Variants in DPP10 observed in about 807,000 individuals in gnomAD.
DPP10 encodes inactive dipeptidyl peptidase 10.
A neutral mutation model predicts 120.9 loss-of-function variants in DPP10; 33 were observed. The ratio of observed to expected loss-of-function variants is 0.27; its 90% CI spans 0.21 to 0.37. The LOEUF is 0.37. Ranked by LOEUF, DPP10 falls within the 10% of genes least tolerant of loss-of-function variation. The pLI is 1.00. For missense variants in DPP10, 816 were observed against 942.8 expected (o/e 0.87, Z 1.76); for synonymous variants, 337 against 326.1 (o/e 1.03, Z -0.36).
intron 1 of DPP10, among the ~76,000 whole-genome samples, chr2:114,566,577 T>C (rs570188025): frequency 6.6e-6 from 1 of 152,302 alleles, no homozygotes; most frequent in East Asian, 1.9e-4. Context: ...AATACAAAAT[T>C]ATATTCAGGA....
chr2:115,727,986 A>T (rs747328237), intron 8 of DPP10, 50 bp downstream of exon 8: 1 of 1,561,438 alleles, frequency 6.4e-7, no homozygotes, highest in East Asian at 2.3e-5. Context: ...ATATTTTTAT[A>T]CAAAATCTAC....
At chr2:115,486,349 C>T (rs912848862) in intron 3 of DPP10, among the ~76,000 whole-genome samples, 60 of 152,236 alleles carry the variant, frequency 3.9e-4, no homozygotes, top group African/African-American at 1.3e-3. Flanking sequence ...ATAGCTTTAT[C>T]AAAGATGTTG....
chr2:115,504,275 CTTTT>C (rs5833604), intron 4 of DPP10, among the ~76,000 whole-genome samples: 1 of 131,616 alleles, frequency 7.6e-6, no homozygotes, highest in East Asian at 2.2e-4. Context: ...CTATTGCCAA[CTTTT>C]TTTTTTTTTT....
chr2:114,840,363 C>T (rs1688060922), intron 1 of DPP10, among the ~76,000 whole-genome samples: 2 of 152,092 alleles, frequency 1.3e-5, no homozygotes, highest in African/African-American at 4.8e-5. Context: ...GGGCGAGGGG[C>T]ATTCCGTTTG....
At chr2:115,424,342 T>C (rs112889300) in intron 3 of DPP10, among the ~76,000 whole-genome samples, 2,855 of 152,210 alleles carry the variant, frequency 0.019, 87 homozygotes, top group African/African-American at 0.062. Flanking sequence ...AACTTTTTTA[T>C]TATAAAATAA....
At chr2:115,357,518 A>G (rs1574542426) in intron 3 of DPP10, among the ~76,000 whole-genome samples, 1 of 152,086 alleles carries the variant, frequency 6.6e-6, no homozygotes, top group African/African-American at 2.4e-5. Flanking sequence ...GCAGGCTACA[A>G]CCTCCCTCCT....
At chr2:115,485,263 A>G (rs10221848) in intron 3 of DPP10, among the ~76,000 whole-genome samples, 20,042 of 149,826 alleles carry the variant, frequency 0.13, 3,016 homozygotes, top group African/African-American at 0.36. Flanking sequence ...AAAACAAACA[A>G]AAACCTTAAA....
intron 5 of DPP10, among the ~76,000 whole-genome samples, chr2:115,687,094 G>T (rs143612340): frequency 6.6e-6 from 1 of 152,160 alleles, no homozygotes; most frequent in African/African-American, 2.4e-5. Flanking sequence ...GAGAGAGAAA[G>T]AGATGCAGAT....
intron 1 of DPP10, among the ~76,000 whole-genome samples, chr2:115,092,915 G>A (rs12994269): frequency 0.097 from 14,706 of 152,152 alleles, 928 homozygotes; most frequent in East Asian, 0.18. Context: ...TCTAGAGTGA[G>A]CAGTAAAAGA....
chr2:115,190,799 C>T (rs1317862735), intron 1 of DPP10, among the ~76,000 whole-genome samples: 1 of 152,188 alleles, frequency 6.6e-6, no homozygotes, highest in Non-Finnish European at 1.5e-5. Context: ...GCCTGCCTGT[C>T]GCACATAACA....
chr2:114,988,046 C>T (rs1016073799), intron 1 of DPP10, among the ~76,000 whole-genome samples: 1 of 151,998 alleles, frequency 6.6e-6, no homozygotes, highest in Non-Finnish European at 1.5e-5. Context: ...CCTCGTGATC[C>T]GCCCGCCTCG....
chr2:114,991,246 G>GT (rs1296895609), intron 1 of DPP10, among the ~76,000 whole-genome samples: 2 of 152,128 alleles, frequency 1.3e-5, no homozygotes, highest in African/African-American at 4.8e-5. Context: ...CAGGGCAGCT[G>GT]TCATCTCAGT....
At chr2:114,990,565 T>C (rs186166432) in intron 1 of DPP10, among the ~76,000 whole-genome samples, 1 of 152,312 alleles carries the variant, frequency 6.6e-6, no homozygotes, top group Admixed American at 6.5e-5. Context: ...TCTTTATTAT[T>C]CTACATTTAA....
chr2:115,278,722 G>C (rs1278065753), intron 1 of DPP10, among the ~76,000 whole-genome samples: 1 of 151,980 alleles, frequency 6.6e-6, no homozygotes, highest in African/African-American at 2.4e-5. Flanking sequence ...TGAGAATTCA[G>C]TTGCCCCAAG....
intron 1 of DPP10, among the ~76,000 whole-genome samples, chr2:114,940,446 A>C (rs1007041779): frequency 2.0e-5 from 3 of 152,050 alleles, no homozygotes; most frequent in Non-Finnish European, 4.4e-5. Flanking sequence ...ACAGCAGCAG[A>C]CTTCTAAAAA....
chr2:115,339,671 C>G (rs1426176199), intron 2 of DPP10, among the ~76,000 whole-genome samples: 3 of 152,100 alleles, frequency 2.0e-5, no homozygotes, highest in Non-Finnish European at 4.4e-5. Flanking sequence ...TTGAATGGAT[C>G]TCAAGGGAAT....
intron 10 of DPP10, among the ~76,000 whole-genome samples, chr2:115,750,850 G>C (rs1184768405): frequency 1.3e-5 from 2 of 152,052 alleles, no homozygotes; most frequent in East Asian, 3.9e-4. Context: ...TGTTCTTGTA[G>C]CATTTCATTT....
At chr2:115,531,134 T>C (rs1454802838) in intron 5 of DPP10, among the ~76,000 whole-genome samples, 1 of 131,496 alleles carries the variant, frequency 7.6e-6, no homozygotes, top group African/African-American at 2.8e-5. Flanking sequence ...TTACCTAATA[T>C]GATTCAAGAT....
intron 1 of DPP10, among the ~76,000 whole-genome samples, chr2:115,303,470 T>TA (rs1282219205): frequency 6.6e-5 from 10 of 151,876 alleles, no homozygotes; most frequent in African/African-American, 2.2e-4. Flanking sequence ...TCTCTACTTT[T>TA]AAAAAAACTC....
Sources: allele counts gnomAD v4.1 joint callset (sites outside exome capture counted in the v4.1 genomes callset), GRCh38; gene constraint gnomAD v4.1.1; transcripts MANE v1.5; gene names NCBI Gene and HGNC (gene_info 2026-07-23, HGNC 2026-07-21).